Variants in THSD4 observed in about 807,000 individuals in gnomAD.
THSD4 encodes the protein thrombospondin type 1 domain containing 4, also known as thrombospondin type-1 domain-containing protein 4.
THSD4 carries 69 observed loss-of-function variants against 119.0 expected under a neutral mutation model. The observed-to-expected ratio is 0.58, with a 90% CI of 0.48 to 0.71. The LOEUF is 0.71. Ranked by LOEUF, THSD4 falls within the 30% of genes least tolerant of loss-of-function variation. THSD4 has a pLI of 0.00. For synonymous variants in THSD4, 524 were observed against 540.4 expected, an observed-to-expected ratio of 0.97 and a Z score of 0.42; for missense variants, 1,393 against 1,391.1, an observed-to-expected ratio of 1.00 and a Z score of -0.02.
At chr15:71,457,337 G>A (rs1251233969) in intron 7 of THSD4, among the ~76,000 whole-genome samples, 2 of 133,384 alleles carry the variant, frequency 1.5e-5, no homozygotes, top group Admixed American at 8.8e-5. Flanking sequence ...CTGAGATCAC[G>A]CCACTGCACT....
At chr15:71,664,957 G>A (rs1030340482) in intron 8 of THSD4, among the ~76,000 whole-genome samples, 1 of 152,128 alleles carries the variant, frequency 6.6e-6, no homozygotes, top group Non-Finnish European at 1.5e-5. Context: ...GTGAACATAT[G>A]CATGCATGTG....
intron 7 of THSD4, among the ~76,000 whole-genome samples, chr15:71,533,432 A>G (rs1051798451): frequency 4.6e-5 from 7 of 152,210 alleles, no homozygotes; most frequent in African/African-American, 1.7e-4. Context: ...TACACCAATC[A>G]GTGTCACTAA....
At chr15:71,596,230 G>C (rs1462383125) in intron 7 of THSD4, among the ~76,000 whole-genome samples, 1 of 152,216 alleles carries the variant, frequency 6.6e-6, no homozygotes, top group Non-Finnish European at 1.5e-5. Context: ...GGTTTGAGGG[G>C]AGAGTGGCCT....
chr15:71,493,541 T>C (rs1276846828), intron 7 of THSD4, among the ~76,000 whole-genome samples: 1 of 152,212 alleles, frequency 6.6e-6, no homozygotes, highest in Non-Finnish European at 1.5e-5. Context: ...AATGTGTTGC[T>C]GTGGGCCATA....
chr15:71,498,404 T>C (rs1003164448), intron 7 of THSD4, among the ~76,000 whole-genome samples: 1 of 152,246 alleles, frequency 6.6e-6, no homozygotes, highest in Non-Finnish European at 1.5e-5. Flanking sequence ...TCACCCCAGT[T>C]GTGCTTGGGT....
At chr15:71,532,289 T>G (rs201720792) in intron 7 of THSD4, among the ~76,000 whole-genome samples, 1 of 64,988 alleles carries the variant, frequency 1.5e-5, no homozygotes, top group African/African-American at 7.8e-5. Flanking sequence ...AGAGAGTGTG[T>G]GTGTGTGTGT....
intron 6 of THSD4, among the ~76,000 whole-genome samples, chr15:71,282,966 AT>A (rs573742429): frequency 0.026 from 3,415 of 130,972 alleles, 77 homozygotes; most frequent in African/African-American, 0.075. Flanking sequence ...GGCAGGTTAG[AT>A]TTTTTTTTTT....
chr15:71,323,096 TAA>T (rs34395762), intron 6 of THSD4, among the ~76,000 whole-genome samples: 28 of 98,490 alleles, frequency 2.8e-4, no homozygotes, highest in Non-Finnish European at 2.4e-4. Context: ...GACCCTGTCT[TAA>T]AAAAAAAAAA....
chr15:71,716,528 A>C (rs2052610106), intron 8 of THSD4, among the ~76,000 whole-genome samples: 1 of 109,078 alleles, frequency 9.2e-6, no homozygotes, highest in African/African-American at 2.7e-5. Flanking sequence ...TTTTGTTCAT[A>C]GAGCACTTTC....
At chr15:71,319,289 C>T (rs371390513) in intron 6 of THSD4, among the ~76,000 whole-genome samples, 2 of 151,984 alleles carry the variant, frequency 1.3e-5, no homozygotes, top group African/African-American at 2.4e-5. Flanking sequence ...ATGTGCACAA[C>T]GTGCAGGTTT....
In THSD4 at chr15:71,547,377, T is replaced by C. The variant is rs571979858; in HGVS notation, c.1153-113153T>C. ...GCTGTTAGCACTTGGCAGACGGAGTTCTCCTCTAGGGTAGTTCTAACTTTG... is the reference window on the plus strand; with the variant it reads ...GCTGTTAGCACTTGGCAGACGGAGTCCTCCTCTAGGGTAGTTCTAACTTTG... On this transcript the variant is annotated intron_variant, in intron 7 of 17. Coordinates refer to ENST00000261862, the MANE Select transcript of THSD4 (RefSeq NM_024817.3). 115 of 1,548,506 alleles carry C rather than the reference T, an allele frequency of 7.4e-5. No individual in the cohort carries two copies. In the African/African-American group the frequency reaches 1.5e-3, roughly 20 times the overall value.
At chr15:71,393,217 G>A (rs1197115903) in intron 6 of THSD4, among the ~76,000 whole-genome samples, 4 of 151,646 alleles carry the variant, frequency 2.6e-5, no homozygotes, top group East Asian at 1.9e-4. Context: ...GGAGGGGCCC[G>A]CCCCTGCCTT....
intron 7 of THSD4, among the ~76,000 whole-genome samples, chr15:71,472,192 C>A (rs954905087): frequency 1.3e-5 from 2 of 152,168 alleles, no homozygotes; most frequent in African/African-American, 4.8e-5. Context: ...GCTGGAATTA[C>A]AGGCATGAGC....
At chr15:71,568,891 GAAC>G (rs923128214) in intron 7 of THSD4, among the ~76,000 whole-genome samples, 2 of 152,072 alleles carry the variant, frequency 1.3e-5, no homozygotes, top group African/African-American at 4.8e-5. Flanking sequence ...TCTTTTTTAA[GAAC>G]AATCTTTAAA....
At chr15:71,521,689 A>ATG (rs2048443377) in intron 7 of THSD4, among the ~76,000 whole-genome samples, 1 of 151,938 alleles carries the variant, frequency 6.6e-6, no homozygotes, top group South Asian at 2.1e-4. Flanking sequence ...GAATTCATTA[A>ATG]CCTGTAGATC....
At chr15:71,174,977 A>T (rs1258107976) in intron 3 of THSD4, among the ~76,000 whole-genome samples, 47 of 149,800 alleles carry the variant, frequency 3.1e-4, no homozygotes, top group Non-Finnish European at 5.9e-5. Context: ...CACACCGAAA[A>T]CCCATCTGTA....
intron 6 of THSD4, among the ~76,000 whole-genome samples, chr15:71,340,511 G>A (rs1159944915): frequency 1.3e-5 from 2 of 151,914 alleles, no homozygotes; most frequent in Non-Finnish European, 2.9e-5. Flanking sequence ...GGGAGCTTGC[G>A]CACCCTCTGG....
chr15:71,634,675 C>G (rs779364363), intron 7 of THSD4, among the ~76,000 whole-genome samples: 2 of 152,088 alleles, frequency 1.3e-5, no homozygotes, highest in African/African-American at 2.4e-5. Context: ...AAAGAAAGGT[C>G]GGTCAGAAAT....
intron 7 of THSD4, among the ~76,000 whole-genome samples, chr15:71,538,474 C>T (rs1284688217): frequency 4.6e-5 from 7 of 152,194 alleles, no homozygotes; most frequent in Non-Finnish European, 7.3e-5. Flanking sequence ...ATTATTACGG[C>T]TTCGTGCTAT....
Sources: allele counts gnomAD v4.1 joint callset (sites outside exome capture counted in the v4.1 genomes callset), GRCh38; gene constraint gnomAD v4.1.1; transcripts MANE v1.5; gene names NCBI Gene and HGNC (gene_info 2026-07-23, HGNC 2026-07-21).